Variants in IGFBP4 observed in about 807,000 individuals in gnomAD.
The protein encoded by IGFBP4 is insulin-like growth factor-binding protein 4.
In IGFBP4, 9 loss-of-function variants were observed where a neutral mutation model predicts 25.8. The observed-to-expected ratio is 0.35, with a 90% CI of 0.21 to 0.61. IGFBP4 has a LOEUF of 0.61. IGFBP4 is among the 20% of genes least tolerant of loss of function. The pLI is 0.77. For missense variants in IGFBP4, 315 were observed against 365.3 expected, an observed-to-expected ratio of 0.86 and a Z score of 1.12; for synonymous variants, 153 against 153.9, an observed-to-expected ratio of 0.99 and a Z score of 0.05.
chr17:40,455,432 T>C (rs1021980782), intron 3 of IGFBP4, among the ~76,000 whole-genome samples: 5 of 152,064 alleles, frequency 3.3e-5, no homozygotes. Context: ...GTGATCCTCC[T>C]ACCTCAGTCT....
intron 1 of IGFBP4, among the ~76,000 whole-genome samples, chr17:40,450,816 G>A (rs1331575785): frequency 1.3e-5 from 2 of 151,992 alleles, no homozygotes; most frequent in Non-Finnish European, 2.9e-5. Context: ...TGAGCACCCA[G>A]CCTGGTTCTA....
At chr17:40,444,801 G>A (rs775130442) in intron 1 of IGFBP4, among the ~76,000 whole-genome samples, 12 of 151,316 alleles carry the variant, frequency 7.9e-5, no homozygotes, top group Non-Finnish European at 1.6e-4. Flanking sequence ...AGCTGCAGGA[G>A]CCTCATGTGT....
Position 40,443,729 on chromosome 17 carries a change from G to A in IGFBP4, c.-7G>A. On this transcript the variant is annotated 5_prime_UTR_variant, in exon 1 of 4. Transcript: ENST00000269593. ...GCCCCGCGCCCGCGCCCAGTCCTCGGGCGGTCATGCTGCCCCTCTGCCTCG... is the reference window on the plus strand; with the variant it reads ...GCCCCGCGCCCGCGCCCAGTCCTCGAGCGGTCATGCTGCCCCTCTGCCTCG... The A allele has an allele frequency of 7.0e-7, 1 of 1,437,306 alleles. No individual in the cohort carries two copies. Among genetic ancestry groups the A allele is most frequent in the Non-Finnish European group, 9.0e-7 (1 of 1,106,240 alleles). 89.0% of individuals were successfully genotyped at this position (1,437,306 alleles called of 1,614,324 possible).
chr17:40,456,176 C>T (rs2035712846), intron 3 of IGFBP4, among the ~76,000 whole-genome samples: 1 of 152,194 alleles, frequency 6.6e-6, no homozygotes. Context: ...CCAACCTGAA[C>T]CCAGCCTTTC....
chr17:40,444,926 C>CACACACACACAG (rs1456516087), intron 1 of IGFBP4, among the ~76,000 whole-genome samples: 2 of 62,694 alleles, frequency 3.2e-5, no homozygotes, highest in African/African-American at 9.1e-5. Context: ...CACACACACA[C>CACACACACACAG]AGAGACAGAG....
rs1319385175 is a variant in IGFBP4 at position 40,443,821 on chromosome 17, C to T, written c.86C>T (p.Pro29Leu). Residue 29 changes from proline (P) to leucine (L), a missense_variant, in exon 1 of 4, where the codon CCC becomes CTC. Coordinates refer to ENST00000269593, the MANE Select transcript of IGFBP4 (RefSeq NM_001552.3). ...GGCGACGAAGCCATCCACTGCCCGC[C>T]CTGCTCCGAGGAGAAGCTGGCGCGC... Reference protein sequence around the residue: ...SLGDEAIHCPPCSEEKLARCR... With the variant: ...SLGDEAIHCPLCSEEKLARCR... 1 of 1,535,882 alleles carries T rather than the reference C, an allele frequency of 6.5e-7. No homozygotes were observed. The highest frequency in any genetic ancestry group is 8.7e-7 in the Non-Finnish European group (1 of 1,148,022).
chr17:40,451,571 G>A (rs1302557702), intron 1 of IGFBP4, among the ~76,000 whole-genome samples: 1 of 148,152 alleles, frequency 6.7e-6, no homozygotes, highest in Non-Finnish European at 1.5e-5. Flanking sequence ...AACTCCTCAG[G>A]AAAAAAAAAA....
At chr17:40,444,936 G>GAGAC (rs2035635605) in intron 1 of IGFBP4, among the ~76,000 whole-genome samples, 2 of 37,364 alleles carry the variant, frequency 5.4e-5, no homozygotes, top group Admixed American at 3.6e-4. Flanking sequence ...CAGAGACAGA[G>GAGAC]AGAGAGAGAG....
At chr17:40,454,558 A>G (rs2035704379) in intron 3 of IGFBP4, among the ~76,000 whole-genome samples, 1 of 152,188 alleles carries the variant, frequency 6.6e-6, no homozygotes, top group Non-Finnish European at 1.5e-5. Flanking sequence ...CACCTGGGGT[A>G]CAGCAAGAGT....
At chr17:40,449,896 T>C (rs760435491) in intron 1 of IGFBP4, among the ~76,000 whole-genome samples, 1 of 152,174 alleles carries the variant, frequency 6.6e-6, no homozygotes, top group Non-Finnish European at 1.5e-5. Flanking sequence ...GCTCACTACC[T>C]CCTGAAAACT....
intron 3 of IGFBP4, 124 bp downstream of exon 3, chr17:40,454,186 C>T: frequency 7.3e-7 from 1 of 1,375,444 alleles, no homozygotes; most frequent in Non-Finnish European, 9.7e-7. Context: ...AACCCAACCC[C>T]TTGGAGCCTC....
At position 40,443,856 on chromosome 17, in the gene IGFBP4, C is replaced by T. The variant is rs758124086; in HGVS notation, c.121C>T (p.Pro41Ser). ...SEEKLARCRP[P>S]VGCEELVREP... is the part of the protein sequence containing the mutation. ...GGAGAAGCTGGCGCGCTGCCGCCCCCCCGTGGGCTGCGAGGAGCTGGTGCG... is the reference window on the plus strand; with the variant it reads ...GGAGAAGCTGGCGCGCTGCCGCCCCTCCGTGGGCTGCGAGGAGCTGGTGCG... The change falls in exon 1 of 4, where the codon CCC becomes TCC. Residue 41 changes from proline to serine, a missense_variant. Coordinates refer to ENST00000269593, the MANE Select transcript of IGFBP4 (RefSeq NM_001552.3). 87 of 1,531,874 alleles carry T rather than the reference C, an allele frequency of 5.7e-5. No homozygotes were observed. The highest frequency in any genetic ancestry group is 3.1e-4 in the Admixed American group (16 of 50,894). 94.9% of individuals were successfully genotyped at this position (1,531,874 alleles called of 1,614,324 possible). A position where few individuals can be genotyped will look rare whatever the true frequency, so the allele number is the denominator to read the frequency against.
chr17:40,452,728 G>T (rs1448455470), intron 1 of IGFBP4, among the ~76,000 whole-genome samples: 1 of 152,144 alleles, frequency 6.6e-6, no homozygotes, highest in Non-Finnish European at 1.5e-5. Flanking sequence ...TGCAGCTGGT[G>T]ACTCATCTGA....
chr17:40,446,964 C>A (rs1345879895), intron 1 of IGFBP4, among the ~76,000 whole-genome samples: 1 of 152,244 alleles, frequency 6.6e-6, no homozygotes, highest in East Asian at 1.9e-4. Context: ...ACGACCAAGC[C>A]CCTACCCACC....
chr17:40,453,218 G>A lies in IGFBP4; in HGVS notation c.507+76G>A, dbSNP rs35685936. On this transcript the variant is annotated intron_variant, in intron 2 of 3. Coordinates refer to ENST00000269593, the MANE Select transcript of IGFBP4 (RefSeq NM_001552.3). This position sits in a 1 kb window ranked among gnomAD's most constrained non-coding sequence, Gnocchi z 4.0. ...CATGCCCCCTGCCCCCCACATGCAC[G>A]CACCCACACACACCATCACCACCAG... The A allele has an allele frequency of 2.7e-3, 2,970 of 1,104,324 alleles. 62 individuals carry two copies. The African/African-American group carries it at 0.044, about 16-fold the overall frequency. The allele number at this position is 1,104,324 out of a possible 1,614,324, so 68.4% of individuals were successfully genotyped here.
Position 40,453,202 on chromosome 17 carries a change from T to TGCCCCCC in IGFBP4, c.507+61_507+67dup. The stretch of plus-strand genomic sequence containing the variant: ...TAGACACACACACACACATGCCCCC[T>TGCCCCCC]GCCCCCCACATGCACGCACCCACAC... On this transcript the variant is annotated intron_variant, in intron 2 of 3. Transcript: ENST00000269593. The surrounding 1 kb of genome is among the most constrained non-coding windows in gnomAD (Gnocchi z 4.0). 8.1e-7 allele frequency: 1 copy of TGCCCCCC among 1,236,454 alleles called. No homozygotes were observed. Among genetic ancestry groups the TGCCCCCC allele is most frequent in the South Asian group, 1.8e-5 (1 of 54,932 alleles). The allele number at this position is 1,236,454 out of a possible 1,614,324, so 76.6% of individuals were successfully genotyped here.
intron 1 of IGFBP4, among the ~76,000 whole-genome samples, chr17:40,446,220 C>G (rs1377009223): frequency 2.0e-5 from 3 of 150,014 alleles, no homozygotes; most frequent in Non-Finnish European, 4.4e-5. Context: ...GCCTGTAGTC[C>G]CAGGTATTTG....
At position 40,444,000 on chromosome 17, in the gene IGFBP4, C is replaced by G; in HGVS notation, c.265C>G (p.Pro89Ala). The change falls in exon 1 of 4, where the codon CCC (proline) becomes GCC (alanine). Residue 89 changes from proline to alanine, a missense_variant. Coordinates refer to ENST00000269593, the MANE Select transcript of IGFBP4 (RefSeq NM_001552.3). ...RCYPPRGVEK[P>A]LHTLMHGQGV... ...CTACCCGCCCCGAGGGGTGGAGAAG[C>G]CCCTGCACACACTGATGCACGGGCA... 6.5e-7 allele frequency: 1 copy of G among 1,535,388 alleles called. No homozygotes were observed. The highest frequency in any genetic ancestry group is 8.7e-7 in the Non-Finnish European group (1 of 1,146,506).
rs1285666717 is a variant in IGFBP4 at position 40,443,828 on chromosome 17, C to G, written c.93C>G (p.Ser31=). 2.6e-6 allele frequency: 4 copies of G among 1,535,642 alleles called. No homozygotes were observed. The highest frequency in any genetic ancestry group is 3.5e-6 in the Non-Finnish European group (4 of 1,147,674). Residue 31 remains serine, a synonymous_variant, in exon 1 of 4, where the codon TCC becomes TCG. Coordinates refer to ENST00000269593, the MANE Select transcript of IGFBP4 (RefSeq NM_001552.3). ...AAGCCATCCACTGCCCGCCCTGCTC[C>G]GAGGAGAAGCTGGCGCGCTGCCGCC... ...GDEAIHCPPC[S]EEKLARCRPP...
Sources: allele counts gnomAD v4.1 joint callset (sites outside exome capture counted in the v4.1 genomes callset), GRCh38; gene constraint gnomAD v4.1.1; non-coding constraint Gnocchi (gnomAD v3.1); transcripts MANE v1.5; gene names NCBI Gene and HGNC (gene_info 2026-07-23, HGNC 2026-07-21).